Variants in CCDC171 observed in about 807,000 individuals in gnomAD.
CCDC171 encodes the protein coiled-coil domain-containing protein 171.
A neutral mutation model predicts 168.2 loss-of-function variants in CCDC171; 177 were observed. The ratio of observed to expected loss-of-function variants is 1.05; its 90% CI spans 0.93 to 1.19. The LOEUF (loss-of-function observed/expected upper bound fraction) is 1.19, where lower values mean the gene tolerates loss of function less well. Among genes scored for constraint, CCDC171 ranks in the 50% most tolerant of loss-of-function variants. The probability of loss-of-function intolerance (pLI) is 0.00; values close to 1 mark genes in which losing one functional copy is unlikely to be tolerated. For missense variants in CCDC171, 1,991 were observed against 1,539.0 expected, an observed-to-expected ratio of 1.29 and a Z score of -4.91; for synonymous variants, 687 against 540.8, an observed-to-expected ratio of 1.27 and a Z score of -3.75.
At chr9:15,822,987 A>G (rs1588694949) in intron 21 of CCDC171, among the ~76,000 whole-genome samples, 2 of 152,146 alleles carry the variant, frequency 1.3e-5, no homozygotes, top group East Asian at 3.9e-4. Context: ...CATATACACA[A>G]TGGAATACTA....
At chr9:16,105,033 G>T in the CCDC171 span, among the ~76,000 whole-genome samples, 1 of 152,138 alleles carries the variant, frequency 6.6e-6, no homozygotes, top group Admixed American at 6.5e-5. Flanking sequence ...GAAAGCTCTT[G>T]ATAAAGCCTG....
chr9:15,915,849 C>T (rs531087994), intron 24 of CCDC171, among the ~76,000 whole-genome samples: 2 of 152,186 alleles, frequency 1.3e-5, no homozygotes, highest in South Asian at 4.1e-4. Flanking sequence ...CAAATGCCTT[C>T]TCTGCATCTA....
chr9:15,894,096 G>A (rs565497075), intron 24 of CCDC171, among the ~76,000 whole-genome samples: 8 of 152,236 alleles, frequency 5.3e-5, no homozygotes, highest in Non-Finnish European at 1.0e-4. Context: ...CTGTGCAGTC[G>A]TAAAACAGAA....
chr9:16,100,496 C>T, the CCDC171 span, among the ~76,000 whole-genome samples: 1 of 152,136 alleles, frequency 6.6e-6, no homozygotes, highest in African/African-American at 2.4e-5. Context: ...TGTAATTGGC[C>T]ACACACACAA....
chr9:16,072,250 T>A, the CCDC171 span, among the ~76,000 whole-genome samples: 1 of 152,206 alleles, frequency 6.6e-6, no homozygotes, highest in Non-Finnish European at 1.5e-5. Flanking sequence ...GTAGAAAGCT[T>A]TGAGAAGCAC....
chr9:15,763,985 A>G (rs561466253), intron 18 of CCDC171, among the ~76,000 whole-genome samples: 1 of 152,294 alleles, frequency 6.6e-6, no homozygotes, highest in South Asian at 2.1e-4. Context: ...AAAATGAGCC[A>G]TGCAAATATC....
intron 6 of CCDC171, among the ~76,000 whole-genome samples, chr9:15,595,572 A>G (rs2042287089): frequency 6.6e-6 from 1 of 152,156 alleles, no homozygotes; most frequent in Non-Finnish European, 1.5e-5. Context: ...GGTTGGTTCC[A>G]AGTCTTTGCT....
chr9:15,583,972 A>G (rs749069915), intron 4 of CCDC171, among the ~76,000 whole-genome samples: 73 of 152,122 alleles, frequency 4.8e-4, no homozygotes, highest in African/African-American at 1.5e-3. Flanking sequence ...GGTTCAAGCA[A>G]TTCTCTGCCT....
intron 2 of CCDC171, among the ~76,000 whole-genome samples, chr9:15,566,883 C>T (rs1458176021): frequency 6.6e-6 from 1 of 152,086 alleles, no homozygotes; most frequent in Non-Finnish European, 1.5e-5. Flanking sequence ...TTTGCATGTG[C>T]GTAGCCAGTT....
chr9:16,091,594 G>T, the CCDC171 span, among the ~76,000 whole-genome samples: 3 of 152,170 alleles, frequency 2.0e-5, no homozygotes, highest in Admixed American at 6.5e-5. Flanking sequence ...GAGGGGAACG[G>T]GAGAGTTGGG....
chr9:15,736,248 A>G (rs764133565), intron 16 of CCDC171, among the ~76,000 whole-genome samples: 2 of 152,160 alleles, frequency 1.3e-5, no homozygotes, highest in Non-Finnish European at 2.9e-5. Flanking sequence ...CTTTTGCATT[A>G]TATTGTAATA....
intron 16 of CCDC171, among the ~76,000 whole-genome samples, chr9:15,738,345 A>C (rs930880376): frequency 2.6e-5 from 4 of 152,228 alleles, no homozygotes; most frequent in Non-Finnish European, 5.9e-5. Flanking sequence ...CTTTGAATTT[A>C]TTAGAGAGTA....
At chr9:15,713,919 C>G (rs1187623188) in intron 11 of CCDC171, among the ~76,000 whole-genome samples, 1 of 150,376 alleles carries the variant, frequency 6.6e-6, no homozygotes, top group African/African-American at 2.4e-5. Flanking sequence ...AGGGCGGCAA[C>G]AAAGGTACAT....
At chr9:15,947,999 C>A (rs899911544) in intron 25 of CCDC171, among the ~76,000 whole-genome samples, 16 of 150,834 alleles carry the variant, frequency 1.1e-4, no homozygotes, top group Admixed American at 7.9e-4. Flanking sequence ...CAACAGTCCC[C>A]ACAGTGTGAT....
At chr9:15,773,914 G>T (rs1343559736) in intron 18 of CCDC171, among the ~76,000 whole-genome samples, 2 of 152,062 alleles carry the variant, frequency 1.3e-5, no homozygotes, top group Non-Finnish European at 2.9e-5. Flanking sequence ...CTAATATCCA[G>T]AATCTACAAA....
chr9:16,020,330 A>G (rs1833128227), intron 3 of CCDC171, among the ~76,000 whole-genome samples: 1 of 152,220 alleles, frequency 6.6e-6, no homozygotes, highest in Admixed American at 6.5e-5. Flanking sequence ...ATATTCCAAA[A>G]TCCAAAAAAA....
chr9:15,822,539 C>T (rs571477711), intron 21 of CCDC171, among the ~76,000 whole-genome samples: 5 of 152,262 alleles, frequency 3.3e-5, no homozygotes, highest in Admixed American at 2.6e-4. Flanking sequence ...TGAACAGACA[C>T]TTCTCAAAAG....
At chr9:15,623,473 G>GCGCGCGCGCGCGCACGCA (rs1554714866) in intron 7 of CCDC171, 60 bp downstream of exon 7, 1 of 464,174 alleles carries the variant, frequency 2.2e-6, no homozygotes, top group South Asian at 2.3e-5. Flanking sequence ...ATGCGCGCGC[G>GCGCGCGCGCGCGCACGCA]CGCACACACA....
intron 1 of CCDC171, among the ~76,000 whole-genome samples, chr9:16,053,719 G>T (rs1833789248): frequency 6.6e-6 from 1 of 152,236 alleles, no homozygotes; most frequent in African/African-American, 2.4e-5. Flanking sequence ...GCCGGAGAAA[G>T]CTCCTGATGT....
Sources: allele counts gnomAD v4.1 joint callset (sites outside exome capture counted in the v4.1 genomes callset), GRCh38; gene constraint gnomAD v4.1.1; transcripts MANE v1.5; gene names NCBI Gene and HGNC (gene_info 2026-07-23, HGNC 2026-07-21).